Variants in NCOA7 observed in about 807,000 individuals in gnomAD.
NCOA7 encodes the protein nuclear receptor coactivator 7.
In NCOA7, 45 loss-of-function variants were observed where a neutral mutation model predicts 104.3. The ratio of observed to expected loss-of-function variants is 0.43; its 90% CI spans 0.34 to 0.55. The LOEUF (loss-of-function observed/expected upper bound fraction) is 0.55, where lower values mean the gene tolerates loss of function less well. NCOA7 is among the 20% of genes least tolerant of loss of function. The probability of loss-of-function intolerance (pLI) is 0.02; values close to 1 mark genes in which losing one functional copy is unlikely to be tolerated. For missense variants in NCOA7, 1,041 were observed against 1,119.7 expected (o/e 0.93, Z 1.00); for synonymous variants, 398 against 402.3 (o/e 0.99, Z 0.13).
intron 1 of NCOA7, among the ~76,000 whole-genome samples, chr6:125,804,455 G>C (rs1263296844): frequency 6.6e-6 from 1 of 152,188 alleles, no homozygotes; most frequent in Non-Finnish European, 1.5e-5. Flanking sequence ...CATGTCACAG[G>C]TACCCAGTAG....
intron 10 of NCOA7, among the ~76,000 whole-genome samples, chr6:125,893,592 C>T (rs11961163): frequency 0.24 from 36,505 of 151,252 alleles, 4,983 homozygotes; most frequent in African/African-American, 0.39. Context: ...ATGGAGAGGG[C>T]GGGGCTGTGG....
At chr6:125,860,969 T>A (rs764345340) in intron 3 of NCOA7, among the ~76,000 whole-genome samples, 1 of 152,214 alleles carries the variant, frequency 6.6e-6, no homozygotes, top group Non-Finnish European at 1.5e-5. Flanking sequence ...GGAGGTCTTA[T>A]AACAAACATA....
rs1779924216 is a variant in NCOA7, at chr6:125,839,451, C to T, written c.51-15569C>T. Among the ~76,000 whole-genome samples the T allele has an allele frequency of 1.3e-5, 2 of 151,098 alleles. 1 individual carries two copies. Among genetic ancestry groups the T allele is most frequent in the African/African-American group, 4.9e-5 (2 of 40,446 alleles). On this transcript the variant is annotated intron_variant, in intron 2 of 15. Coordinates refer to ENST00000392477, the MANE Select transcript of NCOA7 (RefSeq NM_181782.5). ...AGTGATTTAACTCTATCTGCTGTCC[C>T]CTCCCCTCTTGAGAAGTGGACTGTC...
intron 2 of NCOA7, among the ~76,000 whole-genome samples, chr6:125,825,236 A>C (rs1386064816): frequency 6.6e-6 from 1 of 150,450 alleles, no homozygotes; most frequent in East Asian, 2.0e-4. Flanking sequence ...GCTACTCTGG[A>C]GTGGAGGTGA....
intron 2 of NCOA7, among the ~76,000 whole-genome samples, chr6:125,840,711 G>T (rs1248902134): frequency 6.7e-6 from 1 of 150,340 alleles, no homozygotes; most frequent in African/African-American, 2.5e-5. Flanking sequence ...TAGAGACAGG[G>T]TCTTTCTAGG....
At chr6:125,902,823 A>G (rs758644149) in intron 10 of NCOA7, among the ~76,000 whole-genome samples, 19 of 152,222 alleles carry the variant, frequency 1.2e-4, no homozygotes, top group East Asian at 3.8e-4. Context: ...CTAAAATGCT[A>G]TGTGACCTTG....
In NCOA7 at chr6:125,920,922, T is replaced by C. The variant is rs941770370; in HGVS notation, c.2245-21T>C. ...AGAAAAGCCAATAAGTTATTTTTCTTGGCTTGTTTTCTCATTTCAGATCAT... is the reference window on the plus strand; with the variant it reads ...AGAAAAGCCAATAAGTTATTTTTCTCGGCTTGTTTTCTCATTTCAGATCAT... On this transcript the variant is annotated intron_variant, in intron 11 of 15. Coordinates refer to ENST00000392477, the MANE Select transcript of NCOA7 (RefSeq NM_181782.5). 4 of 1,609,226 alleles carry C rather than the reference T, an allele frequency of 2.5e-6. No individual in the cohort carries two copies. The Admixed American group carries it at 6.7e-5, about 27-fold the overall frequency.
intron 1 of NCOA7, among the ~76,000 whole-genome samples, chr6:125,792,843 CA>C (rs1774987061): frequency 6.6e-6 from 1 of 151,406 alleles, no homozygotes; most frequent in African/African-American, 2.4e-5. Context: ...TACACTATGA[CA>C]TTTTCTGTTT....
At chr6:125,784,037 T>G (rs147154172) in intron 1 of NCOA7, among the ~76,000 whole-genome samples, 1 of 152,332 alleles carries the variant, frequency 6.6e-6, no homozygotes, top group Non-Finnish European at 1.5e-5. Flanking sequence ...AATTTAACAT[T>G]TAATTTTTAT....
chr6:125,842,157 C>T (rs886141014), intron 2 of NCOA7, among the ~76,000 whole-genome samples: 3 of 152,228 alleles, frequency 2.0e-5, no homozygotes, highest in Middle Eastern at 3.4e-3. Flanking sequence ...GTTTCCCTTA[C>T]GAGGCTTTCA....
intron 4 of NCOA7, among the ~76,000 whole-genome samples, chr6:125,877,658 C>T (rs1178882973): frequency 6.6e-6 from 1 of 152,206 alleles, no homozygotes; most frequent in Non-Finnish European, 1.5e-5. Context: ...TAGAGAATAA[C>T]ACTAATTTGA....
intron 2 of NCOA7, among the ~76,000 whole-genome samples, chr6:125,846,377 T>C (rs1198697828): frequency 7.7e-6 from 1 of 130,574 alleles, no homozygotes. Flanking sequence ...TTTTTTTTTT[T>C]TTAATCAAAA....
chr6:125,902,875 A>G (rs1785632824), intron 10 of NCOA7, among the ~76,000 whole-genome samples: 1 of 152,214 alleles, frequency 6.6e-6, no homozygotes, highest in East Asian at 1.9e-4. Flanking sequence ...CATGCATTAA[A>G]TAGGAATGAT....
At chr6:125,782,083 TA>T (rs1774252712) in intron 1 of NCOA7, among the ~76,000 whole-genome samples, 1 of 152,262 alleles carries the variant, frequency 6.6e-6, no homozygotes, top group South Asian at 2.1e-4. Context: ...AAAAGAAATG[TA>T]AAATATCGTG....
chr6:125,839,498 C>T (rs938835786), intron 2 of NCOA7, among the ~76,000 whole-genome samples: 7 of 152,180 alleles, frequency 4.6e-5, no homozygotes, highest in Non-Finnish European at 1.0e-4. Flanking sequence ...AAAGTTCCAA[C>T]CTTTTAATCC....
intron 10 of NCOA7, among the ~76,000 whole-genome samples, chr6:125,901,876 T>A (rs1221582547): frequency 6.6e-6 from 1 of 152,022 alleles, no homozygotes; most frequent in African/African-American, 2.4e-5. Context: ...GGAGATGGAG[T>A]GGGAAGATAG....
intron 2 of NCOA7, among the ~76,000 whole-genome samples, chr6:125,830,739 GTGTGTGTGTGTGTGTGTGTGTA>G (rs1779107677): frequency 2.8e-5 from 4 of 143,416 alleles, no homozygotes; most frequent in South Asian, 2.2e-4. Context: ...ATATATATAT[GTGTGTGTGTGTGTGTGTGTGTA>G]TGTGTGTGTG....
intron 3 of NCOA7, among the ~76,000 whole-genome samples, chr6:125,866,975 A>G (rs931495158): frequency 5.3e-5 from 8 of 152,250 alleles, no homozygotes; most frequent in African/African-American, 1.9e-4. Flanking sequence ...TTTAAACATT[A>G]ATTTGAAAAA....
chr6:125,906,938 A>G (rs1466974475), intron 10 of NCOA7, among the ~76,000 whole-genome samples: 1 of 152,348 alleles, frequency 6.6e-6, no homozygotes, highest in East Asian at 1.9e-4. Flanking sequence ...GGTAAATTGT[A>G]AAAATAACCT....
Sources: gnomAD v4.1 joint callset for allele counts (sites outside exome capture counted in the v4.1 genomes callset) on GRCh38, gnomAD v4.1.1 for gene constraint, MANE v1.5 for transcripts, NCBI Gene and HGNC (gene_info 2026-07-23, HGNC 2026-07-21) for gene names.